Variants in PALM2AKAP2 observed in about 807,000 individuals in gnomAD.
The protein encoded by PALM2AKAP2 is PALM2 and AKAP2 fusion.
In PALM2AKAP2, 37 loss-of-function variants were observed where a neutral mutation model predicts 71.5. That is an observed-to-expected ratio of 0.52 (90% CI 0.40 to 0.68). The LOEUF (loss-of-function observed/expected upper bound fraction) is 0.68. Ranked by LOEUF, PALM2AKAP2 falls within the 30% of genes least tolerant of loss-of-function variation. The pLI, the probability that PALM2AKAP2 is intolerant of heterozygous loss-of-function variation, is 0.00. For synonymous variants in PALM2AKAP2, 468 were observed against 478.8 expected (o/e 0.98, Z 0.29); for missense variants, 1,224 against 1,191.8 (o/e 1.03, Z -0.40).
chr9:110,134,599 T>A (rs1835805578), intron 1 of PALM2AKAP2, among the ~76,000 whole-genome samples: 2 of 152,226 alleles, frequency 1.3e-5, no homozygotes, highest in Admixed American at 1.3e-4. Context: ...GACAGCAGTG[T>A]AGAGCACTTA....
chr9:109,957,150 A>G (rs887017490), intron 6 of PALM2AKAP2, among the ~76,000 whole-genome samples: 3 of 152,216 alleles, frequency 2.0e-5, no homozygotes, highest in African/African-American at 7.2e-5. Flanking sequence ...AACAAACAAA[A>G]GTAACATCTG....
chr9:110,070,444 A>G (rs570498391), intron 1 of PALM2AKAP2, among the ~76,000 whole-genome samples: 1 of 152,150 alleles, frequency 6.6e-6, no homozygotes, highest in East Asian at 1.9e-4. Flanking sequence ...TTTAGAAACT[A>G]AATTTTAAAA....
At chr9:109,850,586 T>C (rs1337493361) in intron 1 of PALM2AKAP2, among the ~76,000 whole-genome samples, 3 of 152,188 alleles carry the variant, frequency 2.0e-5, no homozygotes, top group Admixed American at 2.0e-4. Flanking sequence ...GGGAGCAGCA[T>C]TGACCCTTGA....
chr9:109,662,336 G>C (rs1183742679), intron 1 of PALM2AKAP2, among the ~76,000 whole-genome samples: 1 of 152,136 alleles, frequency 6.6e-6, no homozygotes, highest in African/African-American at 2.4e-5. Flanking sequence ...TTTGAAATAT[G>C]TTCCATCAGT....
chr9:109,863,735 A>G (rs1179877571), intron 1 of PALM2AKAP2, among the ~76,000 whole-genome samples: 1 of 150,326 alleles, frequency 6.7e-6, no homozygotes, highest in African/African-American at 2.4e-5. Context: ...ACTCATATCT[A>G]ATTCTGAGCG....
At chr9:110,153,916 A>G (rs983539495) in intron 2 of PALM2AKAP2, among the ~76,000 whole-genome samples, 2 of 152,252 alleles carry the variant, frequency 1.3e-5, no homozygotes, top group African/African-American at 4.8e-5. Context: ...AGCTAGAAGC[A>G]ATGAATATAG....
At chr9:109,697,238 G>A (rs959870064) in intron 1 of PALM2AKAP2, among the ~76,000 whole-genome samples, 24 of 151,930 alleles carry the variant, frequency 1.6e-4, no homozygotes, top group Non-Finnish European at 3.5e-4. Flanking sequence ...TCTCAAAATA[G>A]AGTGAAAAAA....
chr9:109,812,601 A>G (rs1298915590), intron 1 of PALM2AKAP2, among the ~76,000 whole-genome samples: 1 of 152,142 alleles, frequency 6.6e-6, no homozygotes, highest in Non-Finnish European at 1.5e-5. Context: ...CACACCGTTT[A>G]TTTCACTTTG....
At chr9:110,013,994 C>G (rs59677662) in intron 6 of PALM2AKAP2, among the ~76,000 whole-genome samples, 2,648 of 152,234 alleles carry the variant, frequency 0.017, 64 homozygotes, top group African/African-American at 0.054. Flanking sequence ...TACTCATGCT[C>G]ATTTGTTTCT....
At chr9:109,761,078 T>C (rs1031786260) in intron 1 of PALM2AKAP2, among the ~76,000 whole-genome samples, 1 of 152,240 alleles carries the variant, frequency 6.6e-6, no homozygotes, top group African/African-American at 2.4e-5. Flanking sequence ...TCATTTCTTA[T>C]GTTCTTCATC....
At chr9:109,949,386 T>A (rs920817075) in intron 6 of PALM2AKAP2, among the ~76,000 whole-genome samples, 6 of 152,338 alleles carry the variant, frequency 3.9e-5, no homozygotes, top group Admixed American at 3.9e-4. Context: ...GACTGAGGAA[T>A]GTGCCCATTC....
At chr9:109,669,761 T>G (rs983670719) in intron 1 of PALM2AKAP2, among the ~76,000 whole-genome samples, 4 of 152,070 alleles carry the variant, frequency 2.6e-5, no homozygotes, top group African/African-American at 9.6e-5. Context: ...CTCTTAATCT[T>G]TTTAATGTGC....
chr9:109,933,127 G>A (rs1373904538), intron 6 of PALM2AKAP2, among the ~76,000 whole-genome samples: 1 of 152,244 alleles, frequency 6.6e-6, no homozygotes, highest in Non-Finnish European at 1.5e-5. Flanking sequence ...CCTAGAGATG[G>A]TTGGGACTGT....
At chr9:109,790,815 G>A (rs1363151728) in intron 1 of PALM2AKAP2, among the ~76,000 whole-genome samples, 3 of 152,188 alleles carry the variant, frequency 2.0e-5, no homozygotes, top group Non-Finnish European at 1.5e-5. Context: ...GTGGAACTGT[G>A]AGACATATCT....
At chr9:109,827,663 A>T in intron 1 of PALM2AKAP2, among the ~76,000 whole-genome samples, 1 of 152,150 alleles carries the variant, frequency 6.6e-6, no homozygotes, top group East Asian at 1.9e-4. Context: ...ACTGAATGAG[A>T]ATCCATTCTC....
intron 7 of PALM2AKAP2, among the ~76,000 whole-genome samples, chr9:110,041,381 C>T (rs1180811517): frequency 5.3e-5 from 8 of 151,892 alleles, no homozygotes; most frequent in African/African-American, 2.4e-5. Flanking sequence ...ATGTCAATGT[C>T]GAGAAGGCAC....
intron 1 of PALM2AKAP2, among the ~76,000 whole-genome samples, chr9:109,746,843 C>T (rs1202306543): frequency 6.6e-6 from 1 of 152,176 alleles, no homozygotes; most frequent in Non-Finnish European, 1.5e-5. Context: ...CTAGATGTGG[C>T]TTCTAGTTGG....
chr9:109,888,711 C>CAAAA (rs34495775), intron 3 of PALM2AKAP2, among the ~76,000 whole-genome samples: 19 of 98,694 alleles, frequency 1.9e-4, no homozygotes, highest in South Asian at 3.9e-4. Flanking sequence ...ATTTTGCCTC[C>CAAAA]AAAAAAAAAA....
intron 2 of PALM2AKAP2, among the ~76,000 whole-genome samples, chr9:109,879,113 G>A (rs191220418): frequency 1.3e-5 from 2 of 152,280 alleles, no homozygotes; most frequent in East Asian, 3.9e-4. Flanking sequence ...AGAGTCTATG[G>A]AATTGTGCAT....
Sources: allele counts gnomAD v4.1 joint callset (sites outside exome capture counted in the v4.1 genomes callset), GRCh38; gene constraint gnomAD v4.1.1; transcripts MANE v1.5; gene names NCBI Gene and HGNC (gene_info 2026-07-23, HGNC 2026-07-21).